FAM171A1: variants seen among roughly 807,000 people sequenced by gnomAD.
FAM171A1 encodes protein FAM171A1.
In FAM171A1, 23 loss-of-function variants were observed where a neutral mutation model predicts 74.9. That is an observed-to-expected ratio of 0.31 (90% CI 0.22 to 0.44). FAM171A1 has a LOEUF of 0.44. Among genes scored for constraint, FAM171A1 ranks in the 20% least tolerant of loss-of-function variants. The pLI is 1.00. For synonymous variants in FAM171A1, 527 were observed against 505.7 expected, an observed-to-expected ratio of 1.04 and a Z score of -0.57; for missense variants, 1,162 against 1,159.2, an observed-to-expected ratio of 1.00 and a Z score of -0.03.
intron 1 of FAM171A1, among the ~76,000 whole-genome samples, chr10:15,304,299 A>G (rs1233659555): frequency 1.3e-5 from 2 of 152,114 alleles, no homozygotes; most frequent in African/African-American, 4.8e-5. Context: ...GCATGTAGGG[A>G]CTGCCCCTCC....
At chr10:15,366,466 T>C (rs1168110586) in intron 1 of FAM171A1, among the ~76,000 whole-genome samples, 2 of 152,204 alleles carry the variant, frequency 1.3e-5, no homozygotes, top group Non-Finnish European at 2.9e-5. Flanking sequence ...CAGTTCTGTG[T>C]TTCCTGGAGT....
At chr10:15,229,480 A>AC (rs202084888) in intron 5 of FAM171A1, among the ~76,000 whole-genome samples, 1,674 of 146,156 alleles carry the variant, frequency 0.011, 47 homozygotes, top group African/African-American at 0.039. Flanking sequence ...CACCATTGTC[A>AC]CCCCATCACC....
intron 1 of FAM171A1, among the ~76,000 whole-genome samples, chr10:15,355,804 T>C (rs189049964): frequency 1.6e-3 from 249 of 152,250 alleles, no homozygotes; most frequent in African/African-American, 5.2e-3. Flanking sequence ...TCCATACCTG[T>C]GGCATGCAAA....
intron 6 of FAM171A1, among the ~76,000 whole-genome samples, chr10:15,220,314 C>T (rs1037172509): frequency 3.9e-5 from 6 of 152,066 alleles, no homozygotes; most frequent in African/African-American, 1.4e-4. Flanking sequence ...CAGAAGCTAT[C>T]ACTGGAAATA....
At chr10:15,303,481 T>G (rs72776179) in intron 1 of FAM171A1, among the ~76,000 whole-genome samples, 166 of 152,342 alleles carry the variant, frequency 1.1e-3, no homozygotes, top group Non-Finnish European at 1.9e-3. Flanking sequence ...AACTTTCATC[T>G]TTTAATCTTT....
chr10:15,292,337 C>T (rs532621054), intron 1 of FAM171A1, among the ~76,000 whole-genome samples: 2 of 152,322 alleles, frequency 1.3e-5, no homozygotes, highest in Admixed American at 6.5e-5. Context: ...CCTCCCAAAC[C>T]TGTCCTGATA....
intron 3 of FAM171A1, among the ~76,000 whole-genome samples, chr10:15,269,539 T>C (rs981551282): frequency 1.3e-4 from 20 of 152,250 alleles, no homozygotes; most frequent in African/African-American, 4.3e-4. Context: ...TGTGAGCTTT[T>C]CTGTGAGAGC....
chr10:15,342,228 G>C (rs908748075), intron 1 of FAM171A1, among the ~76,000 whole-genome samples: 1 of 152,210 alleles, frequency 6.6e-6, no homozygotes, highest in Non-Finnish European at 1.5e-5. Flanking sequence ...TTCACTGGGA[G>C]AGGGTCTCAT....
chr10:15,331,787 ATGTG>A (rs762247019), intron 1 of FAM171A1, among the ~76,000 whole-genome samples: 2 of 146,668 alleles, frequency 1.4e-5, no homozygotes, highest in East Asian at 2.0e-4. Flanking sequence ...ATATGTATAG[ATGTG>A]TGTGTGTATA....
intron 1 of FAM171A1, among the ~76,000 whole-genome samples, chr10:15,355,839 C>T (rs1224759605): frequency 1.3e-5 from 2 of 152,142 alleles, no homozygotes; most frequent in African/African-American, 4.8e-5. Context: ...AGCGTTTTTA[C>T]TTCCTCTCTC....
chr10:15,248,766 G>A lies in FAM171A1; in HGVS notation c.627C>T (p.His209=), dbSNP rs1264585362. 3.1e-6 allele frequency: 5 copies of A among 1,613,278 alleles called. No individual in the cohort carries two copies. Among genetic ancestry groups the A allele is most frequent in the Non-Finnish European group, 3.4e-6 (4 of 1,179,624 alleles). ...DLTPVTAVSV[H]LLSSNGTPVL... is the part of the protein sequence containing the mutation. Reference sequence around the variant, plus strand: ...CCGGCGTTCCATTACTGCTCAGCAAGTGGACGCTGACGGCTGTGACTGGGG... The same window carrying A: ...CCGGCGTTCCATTACTGCTCAGCAAATGGACGCTGACGGCTGTGACTGGGG... The change falls in exon 5 of 8, where the codon CAC becomes CAT. Residue 209 remains histidine (H), a synonymous_variant. Transcript: ENST00000378116.
At chr10:15,370,766 C>A (rs984974437) in intron 1 of FAM171A1, among the ~76,000 whole-genome samples, 190 bp downstream of exon 1, 9 of 149,002 alleles carry the variant, frequency 6.0e-5, no homozygotes, top group Admixed American at 6.0e-4. Flanking sequence ...CGGGTCACCC[C>A]GCGTCGCCGG....
intron 5 of FAM171A1, among the ~76,000 whole-genome samples, chr10:15,228,813 G>A (rs1044620563): frequency 6.6e-6 from 1 of 152,208 alleles, no homozygotes; most frequent in African/African-American, 2.4e-5. Context: ...CGTGTGCGCT[G>A]AGGACATGCT....
upstream of FAM171A1, among the ~76,000 whole-genome samples, chr10:15,374,515 C>T (rs1836181098): frequency 6.6e-6 from 1 of 152,210 alleles, no homozygotes; most frequent in African/African-American, 2.4e-5. Context: ...TACCTTTTCT[C>T]ATGTTCCGAT....
Position 15,366,222 on chromosome 10 carries a change from C to T in FAM171A1, c.97+4734G>A, listed in dbSNP as rs576758212. On this transcript the variant is annotated intron_variant, in intron 1 of 7. Coordinates refer to ENST00000378116, the MANE Select transcript of FAM171A1 (RefSeq NM_001010924.2). ...ACAACCTCTGCCTCCCGAGTTCAAG[C>T]AATTGTCCTGCCTTAGCCTCCCGAG... is the stretch of plus-strand genomic sequence containing the variant. 3.9e-5 allele frequency among the ~76,000 whole-genome samples: 6 copies of T among 152,138 alleles called. No homozygotes were observed. The South Asian group carries it at 1.2e-3, about 31-fold the overall frequency.
chr10:15,368,468 T>C (rs1310145069), intron 1 of FAM171A1, among the ~76,000 whole-genome samples: 1 of 152,222 alleles, frequency 6.6e-6, no homozygotes, highest in Non-Finnish European at 1.5e-5. Context: ...TGGTGCATAA[T>C]ATGTATGTGC....
At chr10:15,294,263 A>T (rs752182864) in intron 1 of FAM171A1, among the ~76,000 whole-genome samples, 1 of 152,062 alleles carries the variant, frequency 6.6e-6, no homozygotes, top group Admixed American at 6.6e-5. Flanking sequence ...GCATGATTCT[A>T]TCTAGCTGGG....
chr10:15,259,424 C>T (rs1834627156), intron 3 of FAM171A1, among the ~76,000 whole-genome samples: 1 of 152,086 alleles, frequency 6.6e-6, no homozygotes, highest in Non-Finnish European at 1.5e-5. Flanking sequence ...ACGGATCTCT[C>T]CCACTTACCA....
At chr10:15,286,996 T>G (rs1246387811) in intron 1 of FAM171A1, among the ~76,000 whole-genome samples, 2 of 151,922 alleles carry the variant, frequency 1.3e-5, no homozygotes, top group Non-Finnish European at 2.9e-5. Context: ...ATCAGCATCA[T>G]GAAAATCAAG....
Sources: gnomAD v4.1 joint callset for allele counts (sites outside exome capture counted in the v4.1 genomes callset) on GRCh38, gnomAD v4.1.1 for gene constraint, MANE v1.5 for transcripts, NCBI Gene and HGNC (gene_info 2026-07-23, HGNC 2026-07-21) for gene names.